Variants in TRDN observed in about 807,000 individuals in gnomAD.
TRDN encodes triadin in skeletal muscle.
A neutral mutation model predicts 149.7 loss-of-function variants in TRDN; 161 were observed. That is an observed-to-expected ratio of 1.08 (90% confidence interval 0.95 to 1.23). The LOEUF is 1.23. TRDN is among the 50% of genes most tolerant of loss of function. TRDN has a pLI of 0.00. For synonymous variants in TRDN, 294 were observed against 250.5 expected, an observed-to-expected ratio of 1.17 and a Z score of -1.64; for missense variants, 896 against 823.5, an observed-to-expected ratio of 1.09 and a Z score of -1.08.
intron 10 of TRDN, among the ~76,000 whole-genome samples, chr6:123,463,270 G>A (rs1776572133): frequency 6.6e-6 from 1 of 151,582 alleles, no homozygotes; most frequent in South Asian, 2.1e-4. Flanking sequence ...CCGGGAGGCG[G>A]AGCTTGCAGT....
At chr6:123,559,757 T>C (rs1269682973) in intron 2 of TRDN, among the ~76,000 whole-genome samples, 2 of 152,184 alleles carry the variant, frequency 1.3e-5, no homozygotes, top group Non-Finnish European at 2.9e-5. Context: ...TACAAGTTAG[T>C]TCAGGATCTG....
intron 1 of TRDN, among the ~76,000 whole-genome samples, chr6:123,587,725 G>A (rs553113174): frequency 6.6e-6 from 1 of 151,706 alleles, no homozygotes; most frequent in Admixed American, 6.6e-5. Flanking sequence ...GGAGATAGGG[G>A]TGGAGCTGTT....
intron 12 of TRDN, among the ~76,000 whole-genome samples, chr6:123,433,162 A>ATATATATCTATATATATAT (rs796874348): frequency 1.2e-5 from 1 of 80,034 alleles, no homozygotes; most frequent in Non-Finnish European, 2.5e-5. Context: ...ATATATATAT[A>ATATATATCTATATATATAT]ATATATATAT....
intron 21 of TRDN, among the ~76,000 whole-genome samples, chr6:123,343,720 A>G (rs1376515218): frequency 6.6e-6 from 1 of 152,016 alleles, no homozygotes; most frequent in African/African-American, 2.4e-5. Flanking sequence ...GTGCACATGT[A>G]CCCTGAAACT....
intron 1 of TRDN, among the ~76,000 whole-genome samples, chr6:123,622,385 TAATC>T (rs772102392): frequency 2.0e-5 from 3 of 151,658 alleles, no homozygotes; most frequent in Non-Finnish European, 2.9e-5. Context: ...AAATATGTGT[TAATC>T]AACAATGTTT....
At chr6:123,246,604 CA>C (rs1197681254) in intron 38 of TRDN, among the ~76,000 whole-genome samples, 63 of 143,368 alleles carry the variant, frequency 4.4e-4, no homozygotes, top group Admixed American at 5.6e-4. Context: ...GCCTATCAAC[CA>C]AAAAAAAAAG....
intron 24 of TRDN, among the ~76,000 whole-genome samples, chr6:123,289,557 C>G (rs189404473): frequency 6.6e-6 from 1 of 152,108 alleles, no homozygotes; most frequent in African/African-American, 2.4e-5. Flanking sequence ...CTTCCACTAG[C>G]GTGCCATGTC....
At chr6:123,425,719 G>C (rs1414722140) in intron 12 of TRDN, among the ~76,000 whole-genome samples, 2 of 152,094 alleles carry the variant, frequency 1.3e-5, no homozygotes, top group Non-Finnish European at 2.9e-5. Context: ...AACTGTGGTG[G>C]AGTTGAAAGC....
At chr6:123,490,734 A>G (rs528557494) in intron 9 of TRDN, among the ~76,000 whole-genome samples, 1 of 152,370 alleles carries the variant, frequency 6.6e-6, no homozygotes, top group Admixed American at 6.5e-5. Flanking sequence ...AGAGAAAGGC[A>G]GGCATCCAAA....
At chr6:123,459,768 T>G (rs1776344213) in intron 10 of TRDN, among the ~76,000 whole-genome samples, 3 of 152,160 alleles carry the variant, frequency 2.0e-5, no homozygotes, top group African/African-American at 7.2e-5. Context: ...CTTTAGCAAT[T>G]ATACTCAGCT....
At chr6:123,224,361 G>T (rs556328861) in intron 38 of TRDN, among the ~76,000 whole-genome samples, 1 of 151,800 alleles carries the variant, frequency 6.6e-6, no homozygotes, top group Non-Finnish European at 1.5e-5. Context: ...GGCTGGTAAA[G>T]GTTACTTAGG....
At position 123,375,621 on chromosome 6, in the gene TRDN, G is replaced by C. The variant is rs17737379; in HGVS notation, c.1257C>G (p.Asp419Glu). ...TCAACATACTTGCTTTTACTTGTTT[G>C]TCACTTGGAACTGTTAATGACAAGA... ...SPKKEHSVPS[D>E]KQVKAKTERA... Residue 419 changes from aspartate (D) to glutamate (E), a missense_variant, in exon 19 of 41, where the codon GAC (aspartate) becomes GAG (glutamate). Physicochemically the swap from Asp to Glu is conservative, Grantham distance 45. Coordinates refer to ENST00000334268, the MANE Select transcript of TRDN (RefSeq NM_006073.4). 9 of 1,525,082 alleles carry C rather than the reference G, an allele frequency of 5.9e-6. No individual in the cohort carries two copies. In the African/African-American group the frequency reaches 1.3e-4, roughly 21 times the overall value. The allele number at this position is 1,525,082 out of a possible 1,614,324, so 94.5% of individuals were successfully genotyped here.
chr6:123,539,834 G>T (rs1199859233), intron 4 of TRDN, among the ~76,000 whole-genome samples: 2 of 152,162 alleles, frequency 1.3e-5, no homozygotes, highest in African/African-American at 4.8e-5. Context: ...GCCTCAGGAT[G>T]CATAAAATTC....
chr6:123,284,024 G>A (rs939095294), intron 24 of TRDN, among the ~76,000 whole-genome samples: 1 of 45,112 alleles, frequency 2.2e-5, no homozygotes, highest in Non-Finnish European at 4.1e-5. Context: ...TGCACATTGT[G>A]CACATGTACC....
At chr6:123,435,711 G>T (rs1774531289) in intron 12 of TRDN, among the ~76,000 whole-genome samples, 1 of 152,110 alleles carries the variant, frequency 6.6e-6, no homozygotes, top group Non-Finnish European at 1.5e-5. Flanking sequence ...CAGAAAACTG[G>T]CTCCAAGAAA....
intron 21 of TRDN, among the ~76,000 whole-genome samples, chr6:123,347,745 A>G (rs561708643): frequency 6.6e-6 from 1 of 152,198 alleles, no homozygotes; most frequent in East Asian, 1.9e-4. Context: ...ATTGAACAAT[A>G]TTAGAGATGG....
intron 21 of TRDN, among the ~76,000 whole-genome samples, chr6:123,342,593 A>G (rs943472372): frequency 6.6e-6 from 1 of 151,990 alleles, no homozygotes; most frequent in African/African-American, 2.4e-5. Context: ...CCAAAGAGGT[A>G]GGTATTATCC....
intron 10 of TRDN, among the ~76,000 whole-genome samples, chr6:123,459,059 A>G (rs1467219609): frequency 6.6e-6 from 1 of 152,210 alleles, no homozygotes; most frequent in Admixed American, 6.5e-5. Flanking sequence ...TTCTCATAAC[A>G]TATTCCAAGA....
chr6:123,621,764 A>G (rs548628313), intron 1 of TRDN, among the ~76,000 whole-genome samples: 1 of 152,306 alleles, frequency 6.6e-6, no homozygotes, highest in South Asian at 2.1e-4. Context: ...TAAAGCAAAG[A>G]AAGAAAACCA....
Sources: allele counts gnomAD v4.1 joint callset (sites outside exome capture counted in the v4.1 genomes callset), GRCh38; gene constraint gnomAD v4.1.1; transcripts MANE v1.5; gene names NCBI Gene and HGNC (gene_info 2026-07-23, HGNC 2026-07-21).